Variants in CPA6 observed in about 807,000 individuals in gnomAD.
CPA6 encodes carboxypeptidase A6, also known as carboxypeptidase B.
A neutral mutation model predicts 63.3 loss-of-function variants in CPA6; 58 were observed. The observed-to-expected ratio is 0.92, with a 90% CI of 0.74 to 1.14. CPA6 has a LOEUF of 1.14. CPA6 is among the 50% of genes most tolerant of loss of function. The probability of loss-of-function intolerance (pLI) is 0.00; values close to 1 mark genes in which losing one functional copy is unlikely to be tolerated. For synonymous variants in CPA6, 185 were observed against 179.0 expected, an observed-to-expected ratio of 1.03 and a Z score of -0.27; for missense variants, 565 against 526.6, an observed-to-expected ratio of 1.07 and a Z score of -0.71.
chr8:67,744,430 A>G (rs143436558), intron 1 of CPA6, among the ~76,000 whole-genome samples: 170 of 152,296 alleles, frequency 1.1e-3, no homozygotes, highest in African/African-American at 3.8e-3. Flanking sequence ...AAAGGGTGCC[A>G]CCACTGGCCT....
chr8:67,739,722 T>C (rs1587742234), intron 1 of CPA6, among the ~76,000 whole-genome samples: 2 of 152,168 alleles, frequency 1.3e-5, no homozygotes, highest in Non-Finnish European at 2.9e-5. Context: ...AACAAGATTT[T>C]GATGATAGAG....
At chr8:67,654,108 G>A (rs939102234) in intron 1 of CPA6, among the ~76,000 whole-genome samples, 1 of 152,142 alleles carries the variant, frequency 6.6e-6, no homozygotes, top group Non-Finnish European at 1.5e-5. Context: ...GATCATGGTG[G>A]ATAAGCTTTT....
chr8:67,471,146 C>T (rs1811048164), intron 8 of CPA6, among the ~76,000 whole-genome samples: 1 of 152,188 alleles, frequency 6.6e-6, no homozygotes, highest in South Asian at 2.1e-4. Context: ...CTGGCTCTTC[C>T]TGAAACCCAC....
At chr8:67,591,046 T>C (rs1814107593) in intron 2 of CPA6, among the ~76,000 whole-genome samples, 1 of 150,828 alleles carries the variant, frequency 6.6e-6, no homozygotes, top group African/African-American at 2.4e-5. Context: ...TTAATCCATC[T>C]TGAATTAATT....
chr8:67,646,465 G>A (rs1815716265), intron 1 of CPA6, among the ~76,000 whole-genome samples: 1 of 152,142 alleles, frequency 6.6e-6, no homozygotes, highest in Admixed American at 6.6e-5. Context: ...TTTTTGGTGG[G>A]GGAACGACTT....
In CPA6 at chr8:67,660,570, C is replaced by T. The variant is rs563222864; in HGVS notation, c.117-36319G>A. Among the ~76,000 whole-genome samples, 3 of 135,698 alleles carry T rather than the reference C, an allele frequency of 2.2e-5. No individual in the cohort carries two copies. The Admixed American group carries it at 2.4e-4, about 11-fold the overall frequency. 89.0% of individuals were successfully genotyped at this position (135,698 alleles called of 152,430 possible). Reference sequence around the variant, plus strand: ...CCCAGGCTGGTCTTGAACTCCTGGGCTCAAGTGATGTGCCTGCCTTAGGCT... The same window carrying T: ...CCCAGGCTGGTCTTGAACTCCTGGGTTCAAGTGATGTGCCTGCCTTAGGCT... On this transcript the variant is annotated intron_variant, in intron 1 of 10. Transcript: ENST00000297770.
At chr8:67,516,330 G>T (rs1415125378) in intron 3 of CPA6, among the ~76,000 whole-genome samples, 1 of 152,138 alleles carries the variant, frequency 6.6e-6, no homozygotes, top group Non-Finnish European at 1.5e-5. Flanking sequence ...TATCTCTTCA[G>T]TTTTAGAGAA....
intron 9 of CPA6, among the ~76,000 whole-genome samples, chr8:67,430,533 A>G (rs1054395824): frequency 3.3e-5 from 5 of 152,140 alleles, no homozygotes; most frequent in African/African-American, 4.8e-5. Flanking sequence ...AATCTTACAT[A>G]TTGATGGAAT....
chr8:67,491,599 C>T (rs1811607689), intron 6 of CPA6, among the ~76,000 whole-genome samples: 1 of 152,092 alleles, frequency 6.6e-6, no homozygotes, highest in South Asian at 2.1e-4. Context: ...TGCCATTTCA[C>T]ATTTCACACA....
chr8:67,702,480 G>T (rs569735822), intron 1 of CPA6, among the ~76,000 whole-genome samples: 1 of 152,096 alleles, frequency 6.6e-6, no homozygotes, highest in Non-Finnish European at 1.5e-5. Flanking sequence ...TGGTTAAAAA[G>T]TCTCTGTAAA....
chr8:67,428,451 T>C (rs116091237), intron 9 of CPA6, among the ~76,000 whole-genome samples: 1,878 of 152,206 alleles, frequency 0.012, 30 homozygotes, highest in African/African-American at 0.043. Context: ...GCTGACTTAG[T>C]GTTCCGTTCC....
intron 8 of CPA6, among the ~76,000 whole-genome samples, chr8:67,472,824 A>G (rs1036347064): frequency 9.9e-5 from 15 of 152,260 alleles, no homozygotes. Context: ...TAAATAAACT[A>G]GATATTGTCC....
intron 1 of CPA6, among the ~76,000 whole-genome samples, chr8:67,686,169 T>C (rs1312157834): frequency 1.3e-5 from 2 of 152,338 alleles, no homozygotes; most frequent in East Asian, 1.9e-4. Context: ...AATTCTCTCA[T>C]GTTCTGAGTA....
chr8:67,519,921 A>AT lies in CPA6; in HGVS notation c.193-1875dup, dbSNP rs199578871. On this transcript the variant is annotated intron_variant, in intron 2 of 10. Transcript: ENST00000297770. ...CTATTGCAGCATAGTTTCTTTTTCTATTTTTTTATTTATTTTTATTTTTTT... is the reference window on the plus strand; with the variant it reads ...CTATTGCAGCATAGTTTCTTTTTCTATTTTTTTTATTTATTTTTATTTTTTT... Among the ~76,000 whole-genome samples, 167 of 151,930 alleles carry AT rather than the reference A, an allele frequency of 1.1e-3. 3 individuals carry two copies. The East Asian group carries it at 0.029, about 26-fold the overall frequency.
At chr8:67,564,032 G>A (rs1813277689) in intron 2 of CPA6, among the ~76,000 whole-genome samples, 1 of 152,154 alleles carries the variant, frequency 6.6e-6, no homozygotes, top group Non-Finnish European at 1.5e-5. Context: ...CTGAATGGAT[G>A]TTAGGAGGTC....
intron 6 of CPA6, among the ~76,000 whole-genome samples, chr8:67,498,535 CAAAAAAAAAAA>C (rs397940852): frequency 3.0e-5 from 1 of 33,176 alleles, no homozygotes; most frequent in South Asian, 1.4e-3. Context: ...GACTCCATCT[CAAAAAAAAAAA>C]AAAAAAAAAA....
chr8:67,744,575 G>T (rs781204744), intron 1 of CPA6, among the ~76,000 whole-genome samples: 65 of 152,222 alleles, frequency 4.3e-4, no homozygotes, highest in Non-Finnish European at 7.9e-4. Context: ...GAGGAGTGAG[G>T]TCTTAGGTCA....
intron 9 of CPA6, among the ~76,000 whole-genome samples, chr8:67,431,634 A>G (rs1304573205): frequency 1.3e-5 from 2 of 152,190 alleles, no homozygotes; most frequent in African/African-American, 2.4e-5. Context: ...GCCTAAAGGA[A>G]TACTGTGATA....
At chr8:67,536,827 G>A (rs943431045) in intron 2 of CPA6, among the ~76,000 whole-genome samples, 3 of 152,100 alleles carry the variant, frequency 2.0e-5, no homozygotes, top group African/African-American at 7.2e-5. Flanking sequence ...TATTGGCTGT[G>A]GGTTTGTCAT....
Sources: gnomAD v4.1 joint callset for allele counts (sites outside exome capture counted in the v4.1 genomes callset) on GRCh38, gnomAD v4.1.1 for gene constraint, MANE v1.5 for transcripts, NCBI Gene and HGNC (gene_info 2026-07-23, HGNC 2026-07-21) for gene names.